The following CWC27 variants were observed in gnomAD, a reference collection of about 807,000 sequenced individuals.
CWC27 encodes the protein spliceosome-associated protein CWC27 homolog.
A neutral mutation model predicts 63.6 loss-of-function variants in CWC27; 47 were observed. That is an observed-to-expected ratio of 0.74 (90% confidence interval 0.58 to 0.94). The LOEUF (loss-of-function observed/expected upper bound fraction) is 0.94. Ranked by LOEUF, CWC27 falls within the 40% of genes least tolerant of loss-of-function variation. The pLI, the probability that CWC27 is intolerant of heterozygous loss-of-function variation, is 0.00. For synonymous variants in CWC27, 175 were observed against 179.8 expected, an observed-to-expected ratio of 0.97 and a Z score of 0.22; for missense variants, 495 against 554.3, an observed-to-expected ratio of 0.89 and a Z score of 1.07.
chr5:64,910,948 G>A (rs6880897), intron 11 of CWC27, among the ~76,000 whole-genome samples: 14,338 of 152,142 alleles, frequency 0.094, 2,056 homozygotes, highest in African/African-American at 0.31. Context: ...CTTGCCCTCC[G>A]TGGGCTGCAC....
intron 11 of CWC27, among the ~76,000 whole-genome samples, chr5:64,955,539 G>A (rs1429064307): frequency 2.0e-5 from 3 of 151,996 alleles, no homozygotes; most frequent in Non-Finnish European, 4.4e-5. Flanking sequence ...AATTGAGCAG[G>A]GCGACCCCCA....
At chr5:64,783,064 A>C (rs922680183) in intron 3 of CWC27, among the ~76,000 whole-genome samples, 1 of 152,192 alleles carries the variant, frequency 6.6e-6, no homozygotes, top group African/African-American at 2.4e-5. Context: ...GGTCATTTTG[A>C]ATACAGTATA....
intron 1 of CWC27, among the ~76,000 whole-genome samples, chr5:64,770,003 G>A (rs562128766): frequency 2.6e-5 from 4 of 152,310 alleles, no homozygotes; most frequent in African/African-American, 9.6e-5. Flanking sequence ...TATCACATAT[G>A]AAATTTGATG....
chr5:64,974,847 GTT>G (rs1454346027), intron 12 of CWC27, among the ~76,000 whole-genome samples: 1 of 152,066 alleles, frequency 6.6e-6, no homozygotes, highest in African/African-American at 2.4e-5. Context: ...ACAGTAATCT[GTT>G]TTCTTATTAA....
At chr5:64,777,029 T>C (rs145411508) in intron 2 of CWC27, among the ~76,000 whole-genome samples, 185 of 152,100 alleles carry the variant, frequency 1.2e-3, no homozygotes, top group African/African-American at 4.2e-3. Flanking sequence ...AAAAAAGATA[T>C]AAAGGAATGA....
intron 11 of CWC27, among the ~76,000 whole-genome samples, chr5:64,898,934 G>T (rs1333597029): frequency 6.6e-6 from 1 of 152,102 alleles, no homozygotes; most frequent in Non-Finnish European, 1.5e-5. Context: ...TCATCTTTGA[G>T]GAGATGACCC....
At chr5:64,837,337 G>T (rs1314100573) in intron 10 of CWC27, among the ~76,000 whole-genome samples, 4 of 152,026 alleles carry the variant, frequency 2.6e-5, no homozygotes, top group Admixed American at 1.3e-4. Flanking sequence ...GTTGAGATTA[G>T]GAGTTGAAGA....
rs200266728 is a variant in CWC27, at chr5:64,826,700, T to TTG, written c.938+22315_938+22316insGT. 4.7e-3 allele frequency among the ~76,000 whole-genome samples: 620 copies of TTG among 133,328 alleles called. 7 individuals carry two copies. The highest frequency in any genetic ancestry group is 0.02 in the South Asian group (82 of 4,048). 87.5% of individuals were successfully genotyped at this position (133,328 alleles called of 152,430 possible). ...TAGTAATTTTTAACTTTGGTGTTTT[T>TTG]TTGTTTTTTTTTTTTGCTAATATCA... On this transcript the variant is annotated intron_variant, in intron 10 of 13. Coordinates refer to ENST00000381070, the MANE Select transcript of CWC27 (RefSeq NM_005869.4).
At chr5:64,872,075 G>A (rs931077856) in intron 10 of CWC27, among the ~76,000 whole-genome samples, 8 of 152,070 alleles carry the variant, frequency 5.3e-5, no homozygotes, top group Admixed American at 4.6e-4. Flanking sequence ...CCTAAGGTAA[G>A]GATAAATATA....
chr5:64,965,340 G>A (rs946555625), intron 11 of CWC27, among the ~76,000 whole-genome samples: 3 of 152,228 alleles, frequency 2.0e-5, no homozygotes, highest in South Asian at 2.1e-4. Context: ...AAAAAGTCAA[G>A]TTTTTATACA....
chr5:64,883,516 A>G (rs149784776), intron 10 of CWC27, among the ~76,000 whole-genome samples: 1 of 152,202 alleles, frequency 6.6e-6, no homozygotes, highest in Non-Finnish European at 1.5e-5. Context: ...AGTAACCAGG[A>G]GAAGAATTGG....
At chr5:64,848,967 G>A (rs1746060749) in intron 10 of CWC27, among the ~76,000 whole-genome samples, 2 of 152,048 alleles carry the variant, frequency 1.3e-5, no homozygotes, top group Non-Finnish European at 2.9e-5. Context: ...TATTCAGATA[G>A]CACTAGAATT....
chr5:64,970,775 C>T (rs1205935054), intron 11 of CWC27, among the ~76,000 whole-genome samples: 3 of 151,476 alleles, frequency 2.0e-5, no homozygotes, highest in African/African-American at 7.3e-5. Context: ...TTTTTTTGAC[C>T]AGAAAATCTC....
chr5:64,925,712 C>T (rs997859398), intron 11 of CWC27, among the ~76,000 whole-genome samples: 2 of 152,084 alleles, frequency 1.3e-5, no homozygotes, highest in African/African-American at 4.8e-5. Flanking sequence ...AGGATTAAAT[C>T]AGTTTTTACA....
At chr5:64,826,695 G>GTTTTTTGT (rs1329100422) in intron 10 of CWC27, among the ~76,000 whole-genome samples, 1 of 84,948 alleles carries the variant, frequency 1.2e-5, no homozygotes, top group Admixed American at 9.0e-5. Context: ...TAACTTTGGT[G>GTTTTTTGT]TTTTTTTGTT....
intron 10 of CWC27, among the ~76,000 whole-genome samples, chr5:64,823,537 CA>C (rs1745272314): frequency 6.6e-6 from 1 of 152,134 alleles, no homozygotes; most frequent in African/African-American, 2.4e-5. Flanking sequence ...CTGGTTTTCC[CA>C]CCTCCTACAT....
At chr5:64,904,011 A>C (rs1747567647) in intron 11 of CWC27, among the ~76,000 whole-genome samples, 1 of 149,546 alleles carries the variant, frequency 6.7e-6, no homozygotes. Flanking sequence ...CCTCTTGGCT[A>C]TTATGAATAA....
chr5:65,015,381 A>G (rs1204998332), intron 13 of CWC27, among the ~76,000 whole-genome samples: 2 of 152,222 alleles, frequency 1.3e-5, no homozygotes, highest in East Asian at 3.8e-4. Flanking sequence ...TTAATAAGAC[A>G]GTAAGTTTGT....
At chr5:64,931,187 G>A (rs1255216293) in intron 11 of CWC27, among the ~76,000 whole-genome samples, 1 of 152,032 alleles carries the variant, frequency 6.6e-6, no homozygotes, top group Non-Finnish European at 1.5e-5. Flanking sequence ...TTACTTAAGA[G>A]ATTATTCTTG....
Sources: gnomAD v4.1 joint callset for allele counts (sites outside exome capture counted in the v4.1 genomes callset) on GRCh38, gnomAD v4.1.1 for gene constraint, MANE v1.5 for transcripts, NCBI Gene and HGNC (gene_info 2026-07-23, HGNC 2026-07-21) for gene names.